THUMPD3: variants seen among roughly 807,000 people sequenced by gnomAD.
The protein encoded by THUMPD3 is tRNA (guanine(6)-N(2))-methyltransferase THUMP3.
Under a neutral mutation model 54.5 loss-of-function variants are expected in THUMPD3, and 44 were observed. The observed-to-expected ratio is 0.81, with a 90% CI of 0.63 to 1.04. The LOEUF (loss-of-function observed/expected upper bound fraction) is 1.04, where lower values mean the gene tolerates loss of function less well. Among genes scored for constraint, THUMPD3 ranks in the 50% least tolerant of loss-of-function variants. THUMPD3 has a pLI of 0.00. For missense variants in THUMPD3, 604 were observed against 601.3 expected (o/e 1.00, Z -0.05); for synonymous variants, 196 against 201.4 (o/e 0.97, Z 0.23).
At chr3:9,380,788 T>A (rs1055003613) in intron 7 of THUMPD3, 170 bp downstream of exon 7, 12 of 444,322 alleles carry the variant, frequency 2.7e-5, no homozygotes, top group Admixed American at 4.0e-5. Context: ...GTTATATTTT[T>A]AAAATATTAT....
In THUMPD3 at chr3:9,374,509, G is replaced by A. The variant is rs377440194; in HGVS notation, c.808-7G>A. The A allele has an allele frequency of 2.5e-6, 4 of 1,612,738 alleles. No individual in the cohort carries two copies. In the African/African-American group the frequency reaches 5.3e-5, roughly 22 times the overall value. On this transcript the variant is annotated splice_region_variant and splice_polypyrimidine_tract_variant and intron_variant, in intron 4 of 9. Transcript: ENST00000452837. ...AAACTATTTTGTCTTGTTCCACTTT[G>A]CTATAGGTTCTTTTGAACATCCATG...
intron 9 of THUMPD3, 30 bp downstream of exon 9, chr3:9,384,365 C>A: frequency 6.3e-7 from 1 of 1,599,394 alleles, no homozygotes; most frequent in East Asian, 2.2e-5. Flanking sequence ...AAAATCGCAG[C>A]CTGTGGCAAC....
chr3:9,380,672 AT>A, intron 7 of THUMPD3, 54 bp downstream of exon 7: 1 of 1,329,032 alleles, frequency 7.5e-7, no homozygotes, highest in African/African-American at 1.4e-5. Flanking sequence ...ATCACTTTTT[AT>A]ATTGACTTTA....
chr3:9,367,831 C>T (rs1035835167), intron 3 of THUMPD3, among the ~76,000 whole-genome samples: 7 of 152,102 alleles, frequency 4.6e-5, no homozygotes, highest in South Asian at 4.2e-4. Context: ...TTTGGGAGGC[C>T]GAGGCGGGTG....
chr3:9,366,908 G>A lies in THUMPD3; in HGVS notation c.253G>A (p.Val85Ile), dbSNP rs1241401921. Residue 85 changes from valine (V) to isoleucine (I), a missense_variant and splice_region_variant, in exon 3 of 10, where the codon GTT becomes ATT. Val to Ile is a conservative substitution (Grantham distance 29). Transcript: ENST00000452837. Reference protein sequence around the residue: ...FVISVESLAQVHCLRSVDNLF... With the variant: ...FVISVESLAQIHCLRSVDNLF... ...ATGTGTTTCTTTTTTTTTCACCCAG[G>A]TTCATTGTCTGAGATCAGTTGATAA... 4 of 1,606,178 alleles carry A rather than the reference G, an allele frequency of 2.5e-6. 1 individual carries two copies. The East Asian group carries it at 9.0e-5, about 36-fold the overall frequency.
In THUMPD3 at chr3:9,366,927, T is replaced by C. The variant is rs1337022606; in HGVS notation, c.272T>C (p.Val91Ala). The change falls in exon 3 of 10, where the codon GTT (valine) becomes GCT (alanine). Residue 91 changes from valine to alanine, a missense_variant. Physicochemically the swap from Val to Ala is moderately conservative, Grantham distance 64 (BLOSUM62 0). Coordinates refer to ENST00000452837, the MANE Select transcript of THUMPD3 (RefSeq NM_001114092.2). ...SLAQVHCLRS[V>A]DNLFVVVQEF... is the part of the protein sequence containing the mutation. ...ACCCAGGTTCATTGTCTGAGATCAG[T>C]TGATAACTTATTTGTGGTGGTTCAG... 1.2e-6 allele frequency: 2 copies of C among 1,613,322 alleles called. No homozygotes were observed. The highest frequency in any genetic ancestry group is 1.7e-6 in the Non-Finnish European group (2 of 1,179,760).
In THUMPD3 at chr3:9,384,193, AT is replaced by A; in HGVS notation, c.1236-18del. ...TGTATCTTTTGCAAGTGTTTGACTC[AT>A]GAGACCTTCTATTATAGGATGGGAT... On this transcript the variant is annotated intron_variant, in intron 8 of 9. Coordinates refer to ENST00000452837, the MANE Select transcript of THUMPD3 (RefSeq NM_001114092.2). 5.6e-6 allele frequency: 9 copies of A among 1,612,274 alleles called. No homozygotes were observed. Among genetic ancestry groups the A allele is most frequent in the Non-Finnish European group, 7.6e-6 (9 of 1,179,414 alleles).
intron 3 of THUMPD3, among the ~76,000 whole-genome samples, chr3:9,369,235 G>C (rs535562248): frequency 1.3e-5 from 2 of 149,436 alleles, no homozygotes; most frequent in South Asian, 4.2e-4. Context: ...ACTTGAACCC[G>C]GGAGGCAGAA....
At chr3:9,380,418 G>T in intron 6 of THUMPD3, 85 bp from the exon 7 acceptor site, 1 of 908,408 alleles carries the variant, frequency 1.1e-6, no homozygotes. Context: ...CTCTAGAAAA[G>T]CACTGGATTT....
chr3:9,384,530 T>C lies in THUMPD3; in HGVS notation c.1366T>C (p.Ser456Pro), dbSNP rs1006042423. The change falls in exon 10 of 10, where the codon TCT (serine) becomes CCT (proline). Residue 456 changes from serine (S) to proline (P), a missense_variant. By Grantham distance (74) the Ser-to-Pro change is moderately conservative. Transcript: ENST00000452837. Reference protein sequence around the residue: ...QDTKCFTKALSGMRHVWRKVD... With the variant: ...QDTKCFTKALPGMRHVWRKVD... ...TTTTTTTGTGTGTACACAGGCGTTA[T>C]CTGGAATGCGACACGTATGGCGAAA... 20 of 1,614,090 alleles carry C rather than the reference T, an allele frequency of 1.2e-5. No individual in the cohort carries two copies. The Admixed American group carries it at 2.3e-4, about 19-fold the overall frequency.
intron 3 of THUMPD3, among the ~76,000 whole-genome samples, chr3:9,369,638 A>G (rs925404598): frequency 3.3e-5 from 5 of 152,176 alleles, no homozygotes; most frequent in African/African-American, 1.2e-4. Flanking sequence ...TTGGCTGCGT[A>G]TACTCCATTG....
chr3:9,376,418 G>C (rs1279318681), intron 5 of THUMPD3, among the ~76,000 whole-genome samples: 1 of 152,142 alleles, frequency 6.6e-6, no homozygotes, highest in African/African-American at 2.4e-5. Flanking sequence ...ACACTGCCTA[G>C]GGCTTTTAGC....
At chr3:9,381,877 TCACGCCATTCTCCTG>T (rs2032941121) in intron 7 of THUMPD3, among the ~76,000 whole-genome samples, 1 of 147,284 alleles carries the variant, frequency 6.8e-6, no homozygotes, top group Non-Finnish European at 1.5e-5. Context: ...CCTCCCGGGT[TCACGCCATTCTCCTG>T]CCTCAGCCTC....
rs748258852 is a variant in THUMPD3 at position 9,366,900 on chromosome 3, T to TC, written c.253-7dup. ...TCTCAGAAATGTGTTTCTTTTTTTT[T>TC]CACCCAGGTTCATTGTCTGAGATCA... On this transcript the variant is annotated splice_region_variant and splice_polypyrimidine_tract_variant and intron_variant, in intron 2 of 9. Transcript: ENST00000452837. 4 of 1,602,010 alleles carry TC rather than the reference T, an allele frequency of 2.5e-6. No homozygotes were observed. Among genetic ancestry groups the TC allele is most frequent in the East Asian group, 2.2e-5 (1 of 44,710 alleles).
At chr3:9,372,499 G>T (rs1296347208) in intron 4 of THUMPD3, among the ~76,000 whole-genome samples, 1 of 151,890 alleles carries the variant, frequency 6.6e-6, no homozygotes, top group Non-Finnish European at 1.5e-5. Context: ...AGAATCACTT[G>T]AACCAGGGAG....
chr3:9,384,629 T>C lies in THUMPD3; in HGVS notation c.1465T>C (p.Phe489Leu). The C allele has an allele frequency of 6.2e-7, 1 of 1,614,206 alleles. No individual in the cohort carries two copies. The highest frequency in any genetic ancestry group is 1.1e-5 in the South Asian group (1 of 91,088). Residue 489 changes from phenylalanine (F) to leucine (L), a missense_variant, in exon 10 of 10, where the codon TTT becomes CTT. Transcript: ENST00000452837. ...CGTTCTGATACGTACACCTCAAGCT[T>C]TTGTTCATCCTTCAGAACAAGACGG... is the stretch of plus-strand genomic sequence containing the variant. ...VYVLIRTPQA[F>L]VHPSEQDGER...
intron 1 of THUMPD3, among the ~76,000 whole-genome samples, 152 bp from the exon 2 acceptor site, chr3:9,364,864 C>G (rs1471984257): frequency 1.3e-5 from 2 of 152,238 alleles, no homozygotes; most frequent in Non-Finnish European, 2.9e-5. Flanking sequence ...ACAGCCTGCA[C>G]TCTGTGCCCA....
At chr3:9,370,516 C>T (rs1347059907) in intron 3 of THUMPD3, among the ~76,000 whole-genome samples, 1 of 152,196 alleles carries the variant, frequency 6.6e-6, no homozygotes, top group Non-Finnish European at 1.5e-5. Context: ...GTGATCATAG[C>T]TCATTGGAGC....
chr3:9,377,654 C>T (rs1364936277), intron 5 of THUMPD3, among the ~76,000 whole-genome samples, 165 bp from the exon 6 acceptor site: 4 of 152,222 alleles, frequency 2.6e-5, no homozygotes, highest in South Asian at 2.1e-4. Flanking sequence ...GGATTACAGG[C>T]GTGAGTCACC....
Sources: gnomAD v4.1 joint callset for allele counts (sites outside exome capture counted in the v4.1 genomes callset) on GRCh38, gnomAD v4.1.1 for gene constraint, MANE v1.5 for transcripts, NCBI Gene and HGNC (gene_info 2026-07-23, HGNC 2026-07-21) for gene names.